MAGT1: variants seen among roughly 807,000 people sequenced by gnomAD.
The protein encoded by MAGT1 is magnesium transporter 1.
MAGT1 carries 4 observed loss-of-function variants against 28.4 expected under a neutral mutation model. The ratio of observed to expected loss-of-function variants is 0.14; its 90% CI spans 0.07 to 0.32. The LOEUF (loss-of-function observed/expected upper bound fraction) is 0.32. Ranked by LOEUF, MAGT1 falls within the 10% of genes least tolerant of loss-of-function variation. MAGT1 has a pLI of 1.00. For missense variants in MAGT1, 193 were observed against 264.5 expected, an observed-to-expected ratio of 0.73 and a Z score of 1.88; for synonymous variants, 89 against 89.7, an observed-to-expected ratio of 0.99 and a Z score of 0.04.
At chrX:77,876,505 C>T (rs1034598642) in intron 1 of MAGT1, among the ~76,000 whole-genome samples, 8 of 109,737 alleles carry the variant, frequency 7.3e-5, no homozygotes, top group Non-Finnish European at 1.1e-4. Flanking sequence ...TACTATGTAG[C>T]CACAATAATT....
At position 77,867,744 on chromosome X, in the gene MAGT1, T is replaced by C. The variant is rs1259024684; in HGVS notation, c.390+3064A>G. ...TTTTCTGCCAGCATCCATGAAACTG[T>C]GGCAGGTTAACTTGTTAGCTTGCAA... is the stretch of plus-strand genomic sequence containing the variant. On this transcript the variant is annotated intron_variant, in intron 3 of 9. Coordinates refer to ENST00000618282, the MANE Select transcript of MAGT1 (RefSeq NM_001367916.1). 3.0e-5 allele frequency among the ~76,000 whole-genome samples: 2 copies of C among 67,274 alleles called. 1 individual carries two copies. The highest frequency in any genetic ancestry group is 8.0e-5 in the Non-Finnish European group (2 of 24,865). 58.4% of individuals were successfully genotyped at this position (67,274 alleles called of 115,157 possible). A position where few individuals can be genotyped will look rare whatever the true frequency, so the allele number is the denominator to read the frequency against.
Position 77,876,144 on chromosome X carries a change from ATATATATATATATATATATAT to A in MAGT1, c.103-568_103-548del, listed in dbSNP as rs2077033092. ...CCACACCTGGCCTTTATATATATATATATATATATATATATATATATTTTTTTTTTTTTTTTTTTTTTGTAG... is the reference window on the plus strand; with the variant it reads ...CCACACCTGGCCTTTATATATATATATTTTTTTTTTTTTTTTTTTTTGTAG... On this transcript the variant is annotated intron_variant, in intron 1 of 9. Coordinates refer to ENST00000618282, the MANE Select transcript of MAGT1 (RefSeq NM_001367916.1). Among the ~76,000 whole-genome samples, 3 of 26,653 alleles carry A rather than the reference ATATATATATATATATATATAT, an allele frequency of 1.1e-4. No homozygotes were observed. The Admixed American group carries it at 1.8e-3, about 16-fold the overall frequency. 23.1% of individuals were successfully genotyped at this position (26,653 alleles called of 115,157 possible).
chrX:77,837,763 G>A (rs1472512222), intron 8 of MAGT1, among the ~76,000 whole-genome samples: 1 of 111,545 alleles, frequency 9.0e-6, no homozygotes, highest in African/African-American at 3.3e-5. Context: ...TTTATTTTGA[G>A]ATGAAGTCTC....
intron 3 of MAGT1, among the ~76,000 whole-genome samples, chrX:77,869,713 A>C (rs1465653399): frequency 9.7e-6 from 1 of 102,667 alleles, no homozygotes; most frequent in Non-Finnish European, 2.0e-5. Context: ...TAATTAAAGC[A>C]AAAAAAAAAA....
intron 7 of MAGT1, among the ~76,000 whole-genome samples, chrX:77,848,061 T>C (rs2076957217): frequency 8.9e-6 from 1 of 112,432 alleles, no homozygotes; most frequent in Non-Finnish European, 1.9e-5. Context: ...TCAAGGTCTT[T>C]TGTGTACTCT....
intron 3 of MAGT1, among the ~76,000 whole-genome samples, chrX:77,859,649 T>C (rs1191877802): frequency 8.9e-6 from 1 of 111,794 alleles, no homozygotes; most frequent in South Asian, 3.7e-4. Context: ...GGTGGATCAC[T>C]TGAGGTCAGG....
At chrX:77,876,164 A>ATATATATATTT (rs1557217807) in intron 1 of MAGT1, among the ~76,000 whole-genome samples, 1 of 24,969 alleles carries the variant, frequency 4.0e-5, no homozygotes, top group African/African-American at 1.5e-4. Flanking sequence ...ATATATATAT[A>ATATATATATTT]TTTTTTTTTT....
chrX:77,829,640 G>A (rs782122028), intron 9 of MAGT1, among the ~76,000 whole-genome samples: 1 of 109,673 alleles, frequency 9.1e-6, no homozygotes, highest in Non-Finnish European at 1.9e-5. Context: ...ATTAACAGAA[G>A]TCCCAGCAAA....
chrX:77,869,873 A>G (rs1363182307), intron 3 of MAGT1, among the ~76,000 whole-genome samples: 1 of 111,994 alleles, frequency 8.9e-6, no homozygotes, highest in Admixed American at 9.6e-5. Flanking sequence ...TAGAACTACT[A>G]TTTGACCCAG....
At chrX:77,859,520 A>T (rs1349182100) in intron 3 of MAGT1, among the ~76,000 whole-genome samples, 5 of 112,158 alleles carry the variant, frequency 4.5e-5, no homozygotes, top group Non-Finnish European at 7.5e-5. Context: ...TGTGAAAGTG[A>T]TTCTCTAGAA....
In MAGT1 at chrX:77,830,845, G is replaced by A; in HGVS notation, c.952C>T (p.Leu318Phe). 1 of 1,157,606 alleles carries A rather than the reference G, an allele frequency of 8.6e-7. No homozygotes were observed. The highest frequency in any genetic ancestry group is 2.0e-5 in the South Asian group (1 of 50,530). The stretch of plus-strand genomic sequence containing the variant: ...TGATATTTAGATCTAAAAATAGAGA[G>A]CATCCAACTGAAGAATAATACAACA... ...GLVVLFFSWM[L>F]SIFRSKYHGY... The change falls in exon 9 of 10, where the codon CTC becomes TTC. Residue 318 changes from leucine to phenylalanine, a missense_variant. Leu to Phe is a conservative substitution (Grantham distance 22). Coordinates refer to ENST00000618282, the MANE Select transcript of MAGT1 (RefSeq NM_001367916.1).
At chrX:77,881,162 C>T (rs5959873) in intron 1 of MAGT1, among the ~76,000 whole-genome samples, 3 of 110,102 alleles carry the variant, frequency 2.7e-5, no homozygotes, top group Non-Finnish European at 3.8e-5. Flanking sequence ...TATTTGATAC[C>T]GTTTTAATGA....
In MAGT1 at chrX:77,855,606, A is replaced by T. The variant is rs140957691; in HGVS notation, c.673-16T>A. On this transcript the variant is annotated splice_polypyrimidine_tract_variant and intron_variant, in intron 5 of 9. Transcript: ENST00000618282. ...GCACAAAACACTAGGAAACAAAAAA[A>T]TAATAAAATATTCATGGTCAAACTG... 9.1e-7 allele frequency: 1 copy of T among 1,102,109 alleles called. No individual in the cohort carries two copies. The highest frequency in any genetic ancestry group is 3.0e-5 in the East Asian group (1 of 33,232). The allele number at this position is 1,102,109 out of a possible 1,213,427, so 90.8% of individuals were successfully genotyped here.
Position 77,866,420 on chromosome X carries a change from G to A in MAGT1, c.390+4388C>T, listed in dbSNP as rs1352933556. On this transcript the variant is annotated intron_variant, in intron 3 of 9. Coordinates refer to ENST00000618282, the MANE Select transcript of MAGT1 (RefSeq NM_001367916.1). The stretch of plus-strand genomic sequence containing the variant: ...TGATCTCTCAAAAGCTGTGTTGGGA[G>A]ACAATTCTTCATGAGTTTCTCATGT... 3.0e-5 allele frequency among the ~76,000 whole-genome samples: 2 copies of A among 66,911 alleles called. 1 individual carries two copies. The highest frequency in any genetic ancestry group is 4.1e-4 in the Admixed American group (2 of 4,921). 58.1% of individuals were successfully genotyped at this position (66,911 alleles called of 115,157 possible).
chrX:77,858,642 T>C (rs782561854), intron 3 of MAGT1, among the ~76,000 whole-genome samples: 1 of 111,965 alleles, frequency 8.9e-6, no homozygotes, highest in African/African-American at 3.2e-5. Flanking sequence ...TTTGGTCTCT[T>C]TGGCTGTATA....
At chrX:77,861,258 C>G (rs1169310895) in intron 3 of MAGT1, among the ~76,000 whole-genome samples, 1 of 109,140 alleles carries the variant, frequency 9.2e-6, no homozygotes, top group Non-Finnish European at 1.9e-5. Flanking sequence ...AAATGGCCAA[C>G]AAAACACATG....
intron 3 of MAGT1, among the ~76,000 whole-genome samples, chrX:77,864,989 G>C (rs1050879894): frequency 1.8e-5 from 2 of 112,416 alleles, no homozygotes; most frequent in Admixed American, 1.9e-4. Flanking sequence ...TGGGATTACA[G>C]GTGTGAGCCA....
chrX:77,894,945 G>A (rs186113719), intron 1 of MAGT1, among the ~76,000 whole-genome samples: 8 of 111,535 alleles, frequency 7.2e-5, no homozygotes, highest in Non-Finnish European at 1.3e-4. Context: ...ATCATTCAGG[G>A]AGTTACATCG....
intron 1 of MAGT1, among the ~76,000 whole-genome samples, chrX:77,891,229 C>T (rs2077081306): frequency 9.0e-6 from 1 of 110,958 alleles, no homozygotes; most frequent in Non-Finnish European, 1.9e-5. Context: ...ACTAGACAGA[C>T]CAGTGTGGGA....
Sources: gnomAD v4.1 joint callset for allele counts (sites outside exome capture counted in the v4.1 genomes callset) on GRCh38, gnomAD v4.1.1 for gene constraint, MANE v1.5 for transcripts, NCBI Gene and HGNC (gene_info 2026-07-23, HGNC 2026-07-21) for gene names.